The following HMGB1 variants were observed in gnomAD, a reference collection of about 807,000 sequenced individuals.
The protein encoded by HMGB1 is high mobility group box 1, also known as high mobility group protein B1.
For synonymous variants in HMGB1, 81 were observed against 84.0 expected (o/e 0.96, Z 0.19); for missense variants, 79 against 253.5 (o/e 0.31, Z 4.67).
At chr13:30,552,471 C>T (rs1010402843) in intron 1 of HMGB1, among the ~76,000 whole-genome samples, 1 of 152,134 alleles carries the variant, frequency 6.6e-6, no homozygotes, top group African/African-American at 2.4e-5. Context: ...CAAGACTAAG[C>T]TCTAGGAAAA....
intron 1 of HMGB1, among the ~76,000 whole-genome samples, chr13:30,507,363 A>G (rs1887892422): frequency 6.6e-6 from 1 of 152,198 alleles, no homozygotes; most frequent in African/African-American, 2.4e-5. Context: ...ACCCAGTATT[A>G]TCTTCTCCAC....
intron 1 of HMGB1, among the ~76,000 whole-genome samples, chr13:30,602,887 C>T (rs775251439): frequency 6.6e-6 from 1 of 152,172 alleles, no homozygotes; most frequent in Admixed American, 6.5e-5. Context: ...CTCTGCAGCA[C>T]GACTTCCCCA....
intron 1 of HMGB1, among the ~76,000 whole-genome samples, chr13:30,572,271 C>T (rs139326072): frequency 1.3e-4 from 20 of 152,302 alleles, no homozygotes; most frequent in African/African-American, 4.8e-4. Context: ...AATGCAACGA[C>T]ATCTCAGAGA....
At chr13:30,464,550 G>A (rs1470466425) in intron 1 of HMGB1, 1 of 984,392 alleles carries the variant, frequency 1.0e-6, no homozygotes, top group African/African-American at 1.8e-5. Context: ...GCCCGAGGCC[G>A]CCACGTGCGC....
At chr13:30,505,149 T>G (rs1050272959) in intron 1 of HMGB1, among the ~76,000 whole-genome samples, 3 of 85,498 alleles carry the variant, frequency 3.5e-5, no homozygotes, top group Admixed American at 1.1e-4. Context: ...TATATATATA[T>G]ATTTATATAT....
chr13:30,481,412 G>A (rs1405790821), intron 1 of HMGB1, among the ~76,000 whole-genome samples: 1 of 152,228 alleles, frequency 6.6e-6, no homozygotes, highest in Non-Finnish European at 1.5e-5. Context: ...GGTGGCCTGA[G>A]GGAGATTGCA....
intron 1 of HMGB1, among the ~76,000 whole-genome samples, chr13:30,525,364 G>A (rs1031926865): frequency 1.3e-5 from 2 of 152,128 alleles, no homozygotes; most frequent in African/African-American, 4.8e-5. Flanking sequence ...GTTCTTTGGC[G>A]TACTCCCAAC....
At chr13:30,606,859 AT>A (rs1443767018) in intron 1 of HMGB1, among the ~76,000 whole-genome samples, 41 of 152,332 alleles carry the variant, frequency 2.7e-4, no homozygotes, top group African/African-American at 9.1e-4. Flanking sequence ...TCTTCAAGTG[AT>A]TTATCTTTTC....
At position 30,465,919 on chromosome 13, in the gene HMGB1, T is replaced by A. The variant is rs933072423; in HGVS notation, c.-138A>T. On this transcript the variant is annotated 5_prime_UTR_variant, in exon 1 of 5. Coordinates refer to ENST00000341423, the MANE Select transcript of HMGB1 (RefSeq NM_002128.7). ...GGAGCCAGACGCAGCCTCCTCACTC[T>A]CTCCGCTCTGTAACATTACTCTCCA... 3.0e-6 allele frequency: 3 copies of A among 985,782 alleles called. No homozygotes were observed. Among genetic ancestry groups the A allele is most frequent in the Non-Finnish European group, 2.4e-6 (2 of 830,038 alleles). 61.1% of individuals were successfully genotyped at this position (985,782 alleles called of 1,614,324 possible).
intron 1 of HMGB1, among the ~76,000 whole-genome samples, chr13:30,546,564 G>T (rs1869168645): frequency 2.0e-5 from 3 of 152,166 alleles, no homozygotes; most frequent in Non-Finnish European, 4.4e-5. Context: ...GCTCACTGCT[G>T]CCTTAACCTA....
chr13:30,607,004 C>T (rs987942721), intron 1 of HMGB1, among the ~76,000 whole-genome samples: 2 of 151,432 alleles, frequency 1.3e-5, no homozygotes, highest in African/African-American at 4.9e-5. Context: ...TTTTATTTCA[C>T]TTATTGAACT....
chr13:30,529,515 A>G (rs976545375), intron 1 of HMGB1, among the ~76,000 whole-genome samples: 1 of 152,172 alleles, frequency 6.6e-6, no homozygotes, highest in Non-Finnish European at 1.5e-5. Context: ...TTGAAACATG[A>G]CCATTTCAAA....
chr13:30,465,846 C>T lies in HMGB1; in HGVS notation c.-65G>A. On this transcript the variant is annotated 5_prime_UTR_variant, in exon 1 of 5. Coordinates refer to ENST00000341423, the MANE Select transcript of HMGB1 (RefSeq NM_002128.7). Reference sequence around the variant, plus strand: ...GTGCCCGTCCGGCTCTCACTTGCCCCGGTGCTGTCTCTATGGAGCTCAATG... The same window carrying T: ...GTGCCCGTCCGGCTCTCACTTGCCCTGGTGCTGTCTCTATGGAGCTCAATG... 1.0e-6 allele frequency: 1 copy of T among 985,600 alleles called. No homozygotes were observed. The highest frequency in any genetic ancestry group is 1.2e-6 in the Non-Finnish European group (1 of 829,676). The allele number at this position is 985,600 out of a possible 1,614,324, so 61.1% of individuals were successfully genotyped here.
intron 1 of HMGB1, among the ~76,000 whole-genome samples, chr13:30,486,705 G>T (rs1887371804): frequency 6.6e-6 from 1 of 152,160 alleles, no homozygotes; most frequent in East Asian, 1.9e-4. Flanking sequence ...GAAGAGGGTA[G>T]GACCAGAGAG....
intron 1 of HMGB1, among the ~76,000 whole-genome samples, chr13:30,577,809 G>A (rs76764172): frequency 2.9e-3 from 435 of 152,292 alleles, no homozygotes; most frequent in Non-Finnish European, 5.0e-3. Flanking sequence ...CGAAAAGTGA[G>A]CTACTATTAT....
In HMGB1 at chr13:30,596,062, C is replaced by T. The variant is rs536183022; in HGVS notation, c.-15+20609G>A. Reference sequence around the variant, plus strand: ...ACACCAGGGGAGTGCGAAGAAGGTGCAATTAAACTCAATTCCTTGGTATGC... The same window carrying T: ...ACACCAGGGGAGTGCGAAGAAGGTGTAATTAAACTCAATTCCTTGGTATGC... On this transcript the variant is annotated intron_variant, in intron 1 of 4. Coordinates refer to the HMGB1 transcript ENST00000405805. Among the ~76,000 whole-genome samples, 3 of 152,256 alleles carry T rather than the reference C, an allele frequency of 2.0e-5. No individual in the cohort carries two copies. In the South Asian group the frequency reaches 6.2e-4, roughly 32 times the overall value.
At chr13:30,462,196 C>A in intron 4 of HMGB1, 2 of 341,740 alleles carry the variant, frequency 5.9e-6, no homozygotes, top group East Asian at 7.7e-5. Flanking sequence ...AAAAATATAG[C>A]CTATATTACT....
intron 1 of HMGB1, among the ~76,000 whole-genome samples, chr13:30,487,609 CT>C (rs943237733): frequency 6.6e-6 from 1 of 152,164 alleles, no homozygotes; most frequent in Non-Finnish European, 1.5e-5. Flanking sequence ...AGCTAAATGA[CT>C]TTTTTCCCCC....
chr13:30,596,582 G>A (rs768419863), intron 1 of HMGB1, among the ~76,000 whole-genome samples: 4 of 152,226 alleles, frequency 2.6e-5, no homozygotes, highest in Non-Finnish European at 5.9e-5. Flanking sequence ...ACTCGCAGCA[G>A]AGTTGTGACT....
Sources: gnomAD v4.1 joint callset for allele counts (sites outside exome capture counted in the v4.1 genomes callset) on GRCh38, gnomAD v4.1.1 for gene constraint, MANE v1.5 for transcripts, NCBI Gene and HGNC (gene_info 2026-07-23, HGNC 2026-07-21) for gene names.